Variants in JADE3 observed in about 807,000 individuals in gnomAD.
The protein encoded by JADE3 is protein Jade-3.
Under a neutral mutation model 50.1 loss-of-function variants are expected in JADE3, and 2 were observed. That is an observed-to-expected ratio of 0.04 (90% CI 0.02 to 0.13). The LOEUF is 0.13. Among genes scored for constraint, JADE3 ranks in the 10% least tolerant of loss-of-function variants. The probability of loss-of-function intolerance (pLI) is 1.00; values close to 1 mark genes in which losing one functional copy is unlikely to be tolerated. For missense variants in JADE3, 475 were observed against 634.4 expected (o/e 0.75, Z 2.70); for synonymous variants, 218 against 232.9 (o/e 0.94, Z 0.58).
chrX:46,917,866 TCTCTCTCTCTCTCTCTCTCATC>T (rs1196356578), intron 1 of JADE3, among the ~76,000 whole-genome samples: 4 of 101,271 alleles, frequency 3.9e-5, no homozygotes, highest in African/African-American at 1.5e-4. Context: ...ATCCTCTCTC[TCTCTCTCTCTCTCTCTCTCATC>T]CTCTCTCTCT....
At chrX:47,032,334 C>A (rs1249923659) in intron 6 of JADE3, among the ~76,000 whole-genome samples, 1 of 111,510 alleles carries the variant, frequency 9.0e-6, no homozygotes, top group Non-Finnish European at 1.9e-5. Context: ...TCTTTACAAC[C>A]CTTTAAAAAT....
chrX:46,982,607 T>G (rs1556353311), intron 1 of JADE3, among the ~76,000 whole-genome samples: 1 of 111,123 alleles, frequency 9.0e-6, no homozygotes, highest in African/African-American at 3.3e-5. Flanking sequence ...TGTTTACTGC[T>G]TTAGTAACTG....
At chrX:47,002,043 A>G (rs1208102001) in intron 4 of JADE3, among the ~76,000 whole-genome samples, 2 of 111,533 alleles carry the variant, frequency 1.8e-5, no homozygotes, top group Non-Finnish European at 3.8e-5. Context: ...ATTTTCTCCC[A>G]GTCTATTTAT....
chrX:47,050,326 A>C (rs1190969474), intron 8 of JADE3, among the ~76,000 whole-genome samples: 1 of 112,125 alleles, frequency 8.9e-6, no homozygotes, highest in African/African-American at 3.2e-5. Context: ...TATGTTGTAT[A>C]GTCAAATCAG....
At chrX:46,980,465 G>A (rs1356232784) in intron 1 of JADE3, among the ~76,000 whole-genome samples, 1 of 110,034 alleles carries the variant, frequency 9.1e-6, no homozygotes, top group African/African-American at 3.3e-5. Context: ...TTGCTTTTGC[G>A]TCTTCTTAAC....
intron 4 of JADE3, among the ~76,000 whole-genome samples, chrX:47,000,694 A>G (rs963346961): frequency 9.0e-6 from 1 of 110,895 alleles, no homozygotes; most frequent in Non-Finnish European, 1.9e-5. Flanking sequence ...CTGGGGTTAC[A>G]GGCATGTGCC....
At chrX:47,033,570 C>T in intron 6 of JADE3, 51 bp from the exon 7 acceptor site, 1 of 1,057,432 alleles carries the variant, frequency 9.5e-7, no homozygotes, top group Non-Finnish European at 1.3e-6. Flanking sequence ...CAGATACCAA[C>T]CCTGGTGAGA....
chrX:46,927,315 G>A (rs1556339110), intron 1 of JADE3, among the ~76,000 whole-genome samples: 3 of 112,268 alleles, frequency 2.7e-5, no homozygotes, highest in Non-Finnish European at 3.8e-5. Context: ...CTTTTTGTGA[G>A]AAACATTCAT....
chrX:47,058,642 A>G lies in JADE3; in HGVS notation c.2037A>G (p.Gln679=), dbSNP rs1556374056. ...LEGSWSGNVT[Q]KDSSSEMFCD... ...GCAGCTGGTCTGGGAATGTCACCCA[A>G]AAAGACAGCTCGAGTGAGATGTTCT... Residue 679 remains glutamine, a synonymous_variant, in exon 11 of 11, where the codon CAA becomes CAG. Coordinates refer to ENST00000614628, the MANE Select transcript of JADE3 (RefSeq NM_014735.5). The G allele has an allele frequency of 8.3e-7, 1 of 1,209,854 alleles. No homozygotes were observed. The highest frequency in any genetic ancestry group is 1.7e-5 in the African/African-American group (1 of 57,184).
At chrX:47,028,766 T>C (rs1928957129) in intron 6 of JADE3, among the ~76,000 whole-genome samples, 1 of 111,145 alleles carries the variant, frequency 9.0e-6, no homozygotes, top group African/African-American at 3.3e-5. Context: ...CTTTCCATTT[T>C]TTCCCCCACA....
At chrX:46,935,077 G>C (rs1926586315) in intron 1 of JADE3, among the ~76,000 whole-genome samples, 1 of 110,633 alleles carries the variant, frequency 9.0e-6, no homozygotes, top group Admixed American at 9.6e-5. Flanking sequence ...GGTATTATAG[G>C]TGCCCACCAC....
intron 1 of JADE3, among the ~76,000 whole-genome samples, chrX:46,937,931 G>C (rs782766951): frequency 8.9e-6 from 1 of 112,038 alleles, no homozygotes; most frequent in African/African-American, 3.2e-5. Context: ...AGTGAGCTGA[G>C]ATCACGCCAC....
Position 47,054,451 on chromosome X carries a change from G to A in JADE3, c.1266G>A (p.Met422Ile). Residue 422 changes from methionine (M) to isoleucine (I), a missense_variant, in exon 9 of 11, where the codon ATG becomes ATA. By Grantham distance (10) the Met-to-Ile change is conservative. Transcript: ENST00000614628. ...RVEDVAAELGMPTLAVDFIYN... is the reference protein window; with the variant it reads ...RVEDVAAELGIPTLAVDFIYN... ...AAGATGTGGCCGCAGAGCTGGGTAT[G>A]CCCACGCTAGCTGTGGACTTTATCT... 1 of 1,211,192 alleles carries A rather than the reference G, an allele frequency of 8.3e-7. No individual in the cohort carries two copies. The highest frequency in any genetic ancestry group is 1.1e-6 in the Non-Finnish European group (1 of 895,035).
At chrX:46,931,314 T>A (rs192316847) in intron 1 of JADE3, among the ~76,000 whole-genome samples, 18 of 112,405 alleles carry the variant, frequency 1.6e-4, no homozygotes, top group African/African-American at 4.2e-4. Context: ...TTAAAAACAA[T>A]TATGCCTGGA....
chrX:46,980,974 A>G (rs1422847723), intron 1 of JADE3, among the ~76,000 whole-genome samples: 1 of 111,713 alleles, frequency 9.0e-6, no homozygotes, highest in African/African-American at 3.3e-5. Flanking sequence ...GCGATGACAG[A>G]AACAGGATCA....
chrX:47,027,031 G>A (rs937556311), intron 5 of JADE3, among the ~76,000 whole-genome samples: 1 of 112,190 alleles, frequency 8.9e-6, no homozygotes, highest in Non-Finnish European at 1.9e-5. Context: ...GGTAGTTTAT[G>A]TGGAATTCTA....
intron 1 of JADE3, among the ~76,000 whole-genome samples, chrX:46,951,585 C>CAAAA (rs1157479710): frequency 0.011 from 808 of 73,102 alleles, 27 homozygotes; most frequent in African/African-American, 0.027. Flanking sequence ...GACTCCGTCT[C>CAAAA]AAAAAAAAAA....
At position 47,001,740 on chromosome X, in the gene JADE3, G is replaced by A. The variant is rs1928292850; in HGVS notation, c.284+3463G>A. On this transcript the variant is annotated intron_variant, in intron 4 of 10. Coordinates refer to ENST00000614628, the MANE Select transcript of JADE3 (RefSeq NM_014735.5). ...TAATTTGTTTTCATGTCCTTCAACA[G>A]ATTTTCAAAATCAAATGACTTCAAT... Among the ~76,000 whole-genome samples, 18 of 111,969 alleles carry A rather than the reference G, an allele frequency of 1.6e-4. No homozygotes were observed. In the Admixed American group the frequency reaches 1.7e-3, roughly 11 times the overall value.
At chrX:46,971,665 G>C (rs962818513) in intron 1 of JADE3, among the ~76,000 whole-genome samples, 3 of 107,146 alleles carry the variant, frequency 2.8e-5, no homozygotes, top group Admixed American at 2.0e-4. Context: ...GCGTGGTGGC[G>C]GGCGCCTGTA....
Sources: gnomAD v4.1 joint callset for allele counts (sites outside exome capture counted in the v4.1 genomes callset) on GRCh38, gnomAD v4.1.1 for gene constraint, MANE v1.5 for transcripts, NCBI Gene and HGNC (gene_info 2026-07-23, HGNC 2026-07-21) for gene names.